MTMR12: variants seen among roughly 807,000 people sequenced by gnomAD.
MTMR12 encodes the protein myotubularin related protein 12, also known as myotubularin-related protein 12.
MTMR12 carries 33 observed loss-of-function variants against 96.7 expected under a neutral mutation model. That is an observed-to-expected ratio of 0.34 (90% confidence interval 0.26 to 0.46). The LOEUF is 0.46. Among genes scored for constraint, MTMR12 ranks in the 20% least tolerant of loss-of-function variants. MTMR12 has a pLI of 1.00. For synonymous variants in MTMR12, 298 were observed against 327.2 expected (o/e 0.91, Z 0.96); for missense variants, 721 against 896.1 (o/e 0.80, Z 2.49).
At chr5:32,239,599 G>A (rs977460977) in intron 12 of MTMR12, among the ~76,000 whole-genome samples, 2 of 152,100 alleles carry the variant, frequency 1.3e-5, no homozygotes, top group Non-Finnish European at 2.9e-5. Flanking sequence ...TCCTCCTGGG[G>A]TGTGGACGCC....
chr5:32,286,402 C>A lies in MTMR12; in HGVS notation c.82-9660G>T, dbSNP rs538256706. On this transcript the variant is annotated intron_variant, in intron 1 of 15. Transcript: ENST00000382142. Reference sequence around the variant, plus strand: ...TTTATTAGCCAGGCGTGGTGGCATGCACTTATCCCAGCTACTCAGGAGGCT... The same window carrying A: ...TTTATTAGCCAGGCGTGGTGGCATGAACTTATCCCAGCTACTCAGGAGGCT... Among the ~76,000 whole-genome samples, 5 of 152,144 alleles carry A rather than the reference C, an allele frequency of 3.3e-5. No homozygotes were observed. In the South Asian group the frequency reaches 1.0e-3, roughly 32 times the overall value.
At chr5:32,253,354 C>T (rs1044473044) in intron 8 of MTMR12, among the ~76,000 whole-genome samples, 83 of 152,078 alleles carry the variant, frequency 5.5e-4, no homozygotes, top group African/African-American at 1.9e-3. Flanking sequence ...ATAATTTCAC[C>T]GATTCCAAAT....
intron 15 of MTMR12, among the ~76,000 whole-genome samples, chr5:32,231,382 A>C (rs1747990064): frequency 8.0e-6 from 1 of 124,524 alleles, no homozygotes; most frequent in Middle Eastern, 3.5e-3. Context: ...TCTGGCTCGC[A>C]AAAAAAAAAA....
chr5:32,248,697 A>G, intron 9 of MTMR12, 75 bp downstream of exon 9: 1 of 1,110,062 alleles, frequency 9.0e-7, no homozygotes, highest in Non-Finnish European at 1.4e-6. Context: ...AGAAATAGAC[A>G]TACTACTAAG....
intron 1 of MTMR12, among the ~76,000 whole-genome samples, chr5:32,284,317 CAAAAAAAAAAAA>C (rs57597487): frequency 2.1e-5 from 1 of 47,276 alleles, no homozygotes; most frequent in African/African-American, 7.3e-5. Context: ...GACCCTGTCT[CAAAAAAAAAAAA>C]AAAAAAAAAG....
intron 1 of MTMR12, among the ~76,000 whole-genome samples, chr5:32,279,438 C>T (rs1392166433): frequency 6.6e-6 from 1 of 152,044 alleles, no homozygotes; most frequent in Non-Finnish European, 1.5e-5. Flanking sequence ...AAGTTACTAA[C>T]CAAGGATCTG....
At position 32,229,093 on chromosome 5, in the gene MTMR12, AG is replaced by A. The variant is rs1747888881; in HGVS notation, c.*684del. On this transcript the variant is annotated 3_prime_UTR_variant, in exon 16 of 16. Transcript: ENST00000382142. ...GCGGCGAGTGGTGTGGAGCAGGCGG[AG>A]GAAGACCTGGGGCTGGCAGCACAGA... 6.6e-6 allele frequency: 1 copy of A among 152,454 alleles called. No homozygotes were observed. Among genetic ancestry groups the A allele is most frequent in the South Asian group, 2.1e-4 (1 of 4,832 alleles). The allele number at this position is 152,454 out of a possible 1,614,324, so 9.4% of individuals were successfully genotyped here. A position where few individuals can be genotyped will look rare whatever the true frequency, so the allele number is the denominator to read the frequency against.
At chr5:32,271,729 G>C (rs1029823159) in intron 4 of MTMR12, 104 bp downstream of exon 4, 4 of 638,704 alleles carry the variant, frequency 6.3e-6, no homozygotes, top group Admixed American at 4.1e-5. Flanking sequence ...GATGATATAT[G>C]TGAAAAAATT....
rs201241227 is a variant in MTMR12 at position 32,230,352 on chromosome 5, G to T, written c.1675-5C>A. 1.1e-5 allele frequency: 17 copies of T among 1,591,328 alleles called. No homozygotes were observed. In the African/African-American group the frequency reaches 1.8e-4, roughly 16 times the overall value. ...CAAAGAAAGTTGTCGTTGATGCTTT[G>T]AGAGAAAACACAAATAAAAATCACT... On this transcript the variant is annotated splice_region_variant and splice_polypyrimidine_tract_variant and intron_variant, in intron 15 of 15. Transcript: ENST00000382142.
intron 1 of MTMR12, among the ~76,000 whole-genome samples, chr5:32,305,621 C>T (rs1438891742): frequency 6.6e-6 from 1 of 152,284 alleles, no homozygotes; most frequent in East Asian, 1.9e-4. Context: ...TGGGATACCG[C>T]GGCCGGGCGC....
intron 1 of MTMR12, among the ~76,000 whole-genome samples, chr5:32,277,861 T>C (rs534056866): frequency 4.6e-5 from 7 of 152,222 alleles, no homozygotes; most frequent in African/African-American, 1.7e-4. Context: ...CATGAATGTA[T>C]CAAGTCAGTA....
chr5:32,258,391 T>A (rs1274569526), intron 7 of MTMR12, among the ~76,000 whole-genome samples: 1 of 152,224 alleles, frequency 6.6e-6, no homozygotes, highest in East Asian at 1.9e-4. Context: ...TCAACTGCTC[T>A]TAAACTCAGG....
At chr5:32,309,194 G>A (rs1022608997) in intron 1 of MTMR12, among the ~76,000 whole-genome samples, 2 of 152,210 alleles carry the variant, frequency 1.3e-5, no homozygotes, top group African/African-American at 4.8e-5. Context: ...GGTGGACGAA[G>A]AATTTGAACA....
At chr5:32,305,354 T>C (rs1359171609) in intron 1 of MTMR12, among the ~76,000 whole-genome samples, 1 of 152,086 alleles carries the variant, frequency 6.6e-6, no homozygotes, top group Non-Finnish European at 1.5e-5. Context: ...CCCAAAGTGA[T>C]GAGACTACGT....
chr5:32,257,715 C>T (rs1447237589), intron 7 of MTMR12, among the ~76,000 whole-genome samples: 1 of 151,898 alleles, frequency 6.6e-6, no homozygotes, highest in Admixed American at 6.6e-5. Context: ...TTGCAGTGAG[C>T]CAAGATTGCG....
chr5:32,250,133 A>C (rs1748859168), intron 8 of MTMR12, among the ~76,000 whole-genome samples: 1 of 152,190 alleles, frequency 6.6e-6, no homozygotes, highest in African/African-American at 2.4e-5. Flanking sequence ...CACTACACTT[A>C]GAAAATCACA....
chr5:32,237,511 TTTC>T (rs1748285364), intron 13 of MTMR12, among the ~76,000 whole-genome samples: 1 of 137,126 alleles, frequency 7.3e-6, no homozygotes. Flanking sequence ...AACCCTGTGC[TTTC>T]TTCTTTTTTT....
At position 32,296,794 on chromosome 5, in the gene MTMR12, T is replaced by C. The variant is rs190985877; in HGVS notation, c.81+15964A>G. Among the ~76,000 whole-genome samples, 7 of 138,246 alleles carry C rather than the reference T, an allele frequency of 5.1e-5. No individual in the cohort carries two copies. In the East Asian group the frequency reaches 1.1e-3, roughly 22 times the overall value. The allele number at this position is 138,246 out of a possible 152,430, so 90.7% of individuals were successfully genotyped here. A position where few individuals can be genotyped will look rare whatever the true frequency, so the allele number is the denominator to read the frequency against. ...CCAGCCTGGGTAACAGAGGAAAACA[T>C]TCTCTTTAAAAAAAAAAAAAAAAAG... On this transcript the variant is annotated intron_variant, in intron 1 of 15. Coordinates refer to ENST00000382142, the MANE Select transcript of MTMR12 (RefSeq NM_001040446.3).
At chr5:32,290,938 C>T (rs565780008) in intron 1 of MTMR12, among the ~76,000 whole-genome samples, 1 of 152,322 alleles carries the variant, frequency 6.6e-6, no homozygotes, top group East Asian at 1.9e-4. Context: ...CTGAACTGCC[C>T]ATCATGAATT....
Sources: allele counts gnomAD v4.1 joint callset (sites outside exome capture counted in the v4.1 genomes callset), GRCh38; gene constraint gnomAD v4.1.1; transcripts MANE v1.5; gene names NCBI Gene and HGNC (gene_info 2026-07-23, HGNC 2026-07-21).